Variants in ATAD3B observed in about 807,000 individuals in gnomAD.
ATAD3B encodes ATPase family AAA domain-containing protein 3B.
Under a neutral mutation model 70.2 loss-of-function variants are expected in ATAD3B, and 59 were observed. That is an observed-to-expected ratio of 0.84 (90% CI 0.68 to 1.04). The LOEUF (loss-of-function observed/expected upper bound fraction) is 1.04. ATAD3B is among the 50% of genes least tolerant of loss of function. The pLI, the probability that ATAD3B is intolerant of heterozygous loss-of-function variation, is 0.00. For missense variants in ATAD3B, 961 were observed against 913.4 expected (o/e 1.05, Z -0.67); for synonymous variants, 423 against 388.6 (o/e 1.09, Z -1.04).
chr1:1,489,342 G>C (rs1640404522), intron 13 of ATAD3B, 68 bp downstream of exon 13: 4 of 1,606,838 alleles, frequency 2.5e-6, no homozygotes, highest in African/African-American at 2.7e-5. Context: ...GGTTCCCACT[G>C]AGGGTCCCTG....
chr1:1,492,971 T>A (rs1278169109), intron 15 of ATAD3B, among the ~76,000 whole-genome samples: 1 of 146,760 alleles, frequency 6.8e-6, no homozygotes, highest in Non-Finnish European at 1.5e-5. Context: ...ATTAACCTGG[T>A]GTGGTAGCAG....
At chr1:1,508,215 C>CT in the ATAD3B span, among the ~76,000 whole-genome samples, 1 of 151,310 alleles carries the variant, frequency 6.6e-6, no homozygotes, top group South Asian at 2.1e-4. Flanking sequence ...CAGTCAGTGT[C>CT]TCCTGCGCTC....
downstream of ATAD3B, among the ~76,000 whole-genome samples, chr1:1,498,667 C>G (rs1040668670): frequency 6.6e-6 from 1 of 151,264 alleles, no homozygotes; most frequent in African/African-American, 2.4e-5. Context: ...CTCGGCCTCC[C>G]AAAGTGTTGG....
the ATAD3B span, chr1:1,503,778 G>C: frequency 6.9e-7 from 1 of 1,453,752 alleles, no homozygotes; most frequent in South Asian, 1.2e-5. Context: ...CAGCAGTGGG[G>C]TGCAGGGCCG....
Position 1,481,044 on chromosome 1 carries a change from T to C in ATAD3B, c.514+108T>C. ...CCGCCCGGCCCCTCATAGCTACCAG[T>C]GCAGTGGGCGAGGCCTGCTGGGGCT... On this transcript the variant is annotated intron_variant, in intron 5 of 15. Transcript: ENST00000673477. 2.0e-6 allele frequency: 3 copies of C among 1,529,254 alleles called. 1 individual carries two copies. The South Asian group carries it at 3.6e-5, about 19-fold the overall frequency. The allele number at this position is 1,529,254 out of a possible 1,614,324, so 94.7% of individuals were successfully genotyped here.
rs113754847 is a variant in ATAD3B, at chr1:1,490,179, G to A, written c.1338-78G>A. On this transcript the variant is annotated intron_variant, in intron 13 of 15. Transcript: ENST00000673477. ...ATTCTCCCAAAAAGTCTCCCCGAGG[G>A]GGCTGAGGAGCCCCCGTTGCCCTCG... 1.9e-6 allele frequency: 3 copies of A among 1,563,994 alleles called. 1 individual carries two copies. In the South Asian group the frequency reaches 3.6e-5, roughly 19 times the overall value.
intron 11 of ATAD3B, among the ~76,000 whole-genome samples, chr1:1,487,475 G>A (rs1181612430): frequency 2.7e-5 from 4 of 148,740 alleles, no homozygotes; most frequent in African/African-American, 4.9e-5. Context: ...GAGACAGAGC[G>A]AGACTCTGTC....
intron 4 of ATAD3B, among the ~76,000 whole-genome samples, chr1:1,479,474 C>A (rs900202494): frequency 7.1e-6 from 1 of 141,706 alleles, no homozygotes; most frequent in African/African-American, 2.7e-5. Flanking sequence ...ACACACACAC[C>A]CCTGTGCGCA....
chr1:1,491,988 C>G (rs1465496887), intron 15 of ATAD3B, among the ~76,000 whole-genome samples: 2 of 151,870 alleles, frequency 1.3e-5, no homozygotes, highest in African/African-American at 2.4e-5. Context: ...GGGTTCAGGA[C>G]CAGCCTGGAA....
Position 1,471,950 on chromosome 1 carries a change from G to A in ATAD3B, c.66G>A (p.Leu22=), listed in dbSNP as rs1175779119. 8 of 1,238,188 alleles carry A rather than the reference G, an allele frequency of 6.5e-6. No individual in the cohort carries two copies. The South Asian group carries it at 1.2e-4, about 19-fold the overall frequency. 76.7% of individuals were successfully genotyped at this position (1,238,188 alleles called of 1,614,324 possible). A position where few individuals can be genotyped will look rare whatever the true frequency, so the allele number is the denominator to read the frequency against. The change falls in exon 1 of 16, where the codon TTG becomes TTA. Residue 22 remains leucine, a synonymous_variant. Transcript: ENST00000673477. ...AAGGCGCGGGGCCGCCGCCGCCTTT[G>A]CCGCCCGCGCAGCCCGGGGCCGAGG... ...KGEGAGPPPP[L]PPAQPGAEGG...
At chr1:1,477,775 G>A (rs1639670946) in intron 2 of ATAD3B, among the ~76,000 whole-genome samples, 1 of 151,120 alleles carries the variant, frequency 6.6e-6, no homozygotes, top group African/African-American at 2.4e-5. Flanking sequence ...GCGCAATCTC[G>A]GCTCACTGCA....
At chr1:1,476,477 G>T (rs1314158462) in intron 1 of ATAD3B, among the ~76,000 whole-genome samples, 5 of 151,438 alleles carry the variant, frequency 3.3e-5, no homozygotes, top group South Asian at 2.1e-4. Flanking sequence ...AGCATCGGGG[G>T]TCCCTGCCTA....
At chr1:1,484,572 C>T (rs184146300) in intron 7 of ATAD3B, 77 of 162,126 alleles carry the variant, frequency 4.7e-4, no homozygotes, top group East Asian at 1.8e-4. Flanking sequence ...GGTGATACGC[C>T]GGCCTTGGCC....
chr1:1,482,801 A>G, intron 7 of ATAD3B, 187 bp downstream of exon 7: 3 of 916,850 alleles, frequency 3.3e-6, no homozygotes, highest in East Asian at 2.7e-5. Flanking sequence ...AAAAAAATGC[A>G]GTTGCCAGCC....
At chr1:1,498,152 A>C (rs1448628036), downstream of ATAD3B, among the ~76,000 whole-genome samples, 1 of 151,440 alleles carries the variant, frequency 6.6e-6, no homozygotes, top group Non-Finnish European at 1.5e-5. Flanking sequence ...AAAAATACGA[A>C]AGTTAGCCGG....
At chr1:1,498,092 C>T (rs1209167077), downstream of ATAD3B, among the ~76,000 whole-genome samples, 3 of 151,742 alleles carry the variant, frequency 2.0e-5, no homozygotes, top group African/African-American at 4.9e-5. Context: ...CACCTGAGGT[C>T]AGGAGTTCGA....
At chr1:1,504,659 A>C in the ATAD3B span, among the ~76,000 whole-genome samples, 1,300 of 140,070 alleles carry the variant, frequency 9.3e-3, 15 homozygotes, top group Admixed American at 0.031. Flanking sequence ...TCAAAAACAA[A>C]AAAAAAAAGA....
chr1:1,489,765 C>T, intron 13 of ATAD3B: 5 of 1,305,478 alleles, frequency 3.8e-6, no homozygotes, highest in South Asian at 2.5e-5. Flanking sequence ...ACGTTGGGCT[C>T]CTGGGTCAGC....
Position 1,496,044 on chromosome 1 carries a change from G to C in ATAD3B, c.*227G>C. 2 of 1,319,340 alleles carry C rather than the reference G, an allele frequency of 1.5e-6. No individual in the cohort carries two copies. Among genetic ancestry groups the C allele is most frequent in the Non-Finnish European group, 1.9e-6 (2 of 1,034,114 alleles). The allele number at this position is 1,319,340 out of a possible 1,614,324, so 81.7% of individuals were successfully genotyped here. A position where few individuals can be genotyped will look rare whatever the true frequency, so the allele number is the denominator to read the frequency against. On this transcript the variant is annotated 3_prime_UTR_variant, in exon 16 of 16. Transcript: ENST00000673477. ...AGCCAGGTGAGGGGGGGCCTGCCAG[G>C]ACTAGACAGAAGTGGGGCGGCCTGA...
Sources: gnomAD v4.1 joint callset for allele counts (sites outside exome capture counted in the v4.1 genomes callset) on GRCh38, gnomAD v4.1.1 for gene constraint, MANE v1.5 for transcripts, NCBI Gene and HGNC (gene_info 2026-07-23, HGNC 2026-07-21) for gene names.